The following NXPE2 variants were observed in gnomAD, a reference collection of about 807,000 sequenced individuals.
NXPE2 encodes neurexophilin and PC-esterase domain family member 2.
A neutral mutation model predicts 34.4 loss-of-function variants in NXPE2; 34 were observed. The observed-to-expected ratio is 0.99, with a 90% CI of 0.75 to 1.31. The LOEUF is 1.31. Ranked by LOEUF, NXPE2 falls within the 40% of genes most tolerant of loss-of-function variation. The pLI, the probability that NXPE2 is intolerant of heterozygous loss-of-function variation, is 0.00. For missense variants in NXPE2, 649 were observed against 672.5 expected, an observed-to-expected ratio of 0.97 and a Z score of 0.39; for synonymous variants, 235 against 231.3, an observed-to-expected ratio of 1.02 and a Z score of -0.15.
At chr11:114,614,562 T>C in the NXPE2 span, among the ~76,000 whole-genome samples, 8 of 151,046 alleles carry the variant, frequency 5.3e-5, no homozygotes, top group Non-Finnish European at 8.9e-5. Context: ...AATGTTACCT[T>C]GTGGGTAACT....
the NXPE2 span, among the ~76,000 whole-genome samples, chr11:114,516,884 C>T: frequency 6.6e-6 from 1 of 152,150 alleles, no homozygotes; most frequent in Admixed American, 6.5e-5. Context: ...GGGACGCTTT[C>T]CCCAAGCCCC....
At chr11:114,660,993 A>T in the NXPE2 span, among the ~76,000 whole-genome samples, 1 of 152,190 alleles carries the variant, frequency 6.6e-6, no homozygotes, top group East Asian at 1.9e-4. Context: ...ATTAAAATTA[A>T]TAACACAGCA....
the NXPE2 span, among the ~76,000 whole-genome samples, chr11:114,481,212 T>C: frequency 6.6e-6 from 1 of 152,180 alleles, no homozygotes; most frequent in Non-Finnish European, 1.5e-5. Flanking sequence ...ATTTGAATAA[T>C]ACTTAGTGTT....
At chr11:114,692,320 T>G (rs942544961) in intron 2 of NXPE2, among the ~76,000 whole-genome samples, 5 of 152,218 alleles carry the variant, frequency 3.3e-5, no homozygotes, top group African/African-American at 1.2e-4. Flanking sequence ...AGCATTCTGT[T>G]GCAGGGTAGC....
the NXPE2 span, among the ~76,000 whole-genome samples, chr11:114,479,898 G>T: frequency 6.6e-6 from 1 of 152,194 alleles, no homozygotes; most frequent in Non-Finnish European, 1.5e-5. Flanking sequence ...TGACGAGGGG[G>T]TCAGGAAGCT....
chr11:114,804,145 T>A, the NXPE2 span, among the ~76,000 whole-genome samples: 3 of 152,328 alleles, frequency 2.0e-5, no homozygotes, highest in South Asian at 6.2e-4. Context: ...TCAGTCAGGT[T>A]GTTGTTTAAA....
intron 3 of NXPE2, among the ~76,000 whole-genome samples, chr11:114,703,320 C>A (rs748174972): frequency 2.6e-5 from 4 of 152,050 alleles, no homozygotes; most frequent in Non-Finnish European, 5.9e-5. Flanking sequence ...GTGGGATAAA[C>A]CAAAAGGGCA....
the NXPE2 span, among the ~76,000 whole-genome samples, chr11:114,654,083 T>C: frequency 4.6e-5 from 7 of 152,100 alleles, no homozygotes; most frequent in Non-Finnish European, 1.0e-4. Context: ...TGAAGGTATG[T>C]ACAAAGAAGC....
the NXPE2 span, among the ~76,000 whole-genome samples, chr11:114,794,862 C>T: frequency 1.3e-4 from 18 of 142,944 alleles, no homozygotes; most frequent in Non-Finnish European, 1.4e-4. Flanking sequence ...CCCCCCCCAA[C>T]CCCATCCTGA....
At chr11:114,523,903 T>C in the NXPE2 span, among the ~76,000 whole-genome samples, 2 of 152,220 alleles carry the variant, frequency 1.3e-5, no homozygotes, top group African/African-American at 4.8e-5. Flanking sequence ...GGAAACCAGT[T>C]TGAATGCTGT....
chr11:114,689,829 C>A (rs1045010347), intron 2 of NXPE2, among the ~76,000 whole-genome samples: 1 of 152,046 alleles, frequency 6.6e-6, no homozygotes, highest in Non-Finnish European at 1.5e-5. Context: ...TAAATTGAAC[C>A]TTTATCATTA....
At chr11:114,728,016 A>G in the NXPE2 span, among the ~76,000 whole-genome samples, 1 of 152,052 alleles carries the variant, frequency 6.6e-6, no homozygotes, top group Non-Finnish European at 1.5e-5. Context: ...ACTGTACGGG[A>G]GAATCTGTTT....
chr11:114,501,461 C>T, the NXPE2 span, among the ~76,000 whole-genome samples: 1 of 152,170 alleles, frequency 6.6e-6, no homozygotes, highest in Non-Finnish European at 1.5e-5. Context: ...GAAATCACCA[C>T]AAATCTCAGG....
the NXPE2 span, among the ~76,000 whole-genome samples, chr11:114,724,518 A>G: frequency 6.6e-6 from 1 of 152,060 alleles, no homozygotes. Flanking sequence ...TATTTTTCCC[A>G]CCACTAGACC....
At chr11:114,578,283 T>C in the NXPE2 span, among the ~76,000 whole-genome samples, 1 of 152,186 alleles carries the variant, frequency 6.6e-6, no homozygotes, top group Non-Finnish European at 1.5e-5. Flanking sequence ...AGTTTTCTTT[T>C]CCAAATCACA....
At chr11:114,551,592 A>G in the NXPE2 span, among the ~76,000 whole-genome samples, 1 of 152,236 alleles carries the variant, frequency 6.6e-6, no homozygotes, top group African/African-American at 2.4e-5. Context: ...ATGGAACCAC[A>G]GGAATATGCT....
At chr11:114,741,797 A>G in the NXPE2 span, among the ~76,000 whole-genome samples, 32 of 152,134 alleles carry the variant, frequency 2.1e-4, no homozygotes, top group African/African-American at 7.2e-4. Flanking sequence ...TTGTTAGGCA[A>G]TTGATCATAA....
the NXPE2 span, among the ~76,000 whole-genome samples, chr11:114,479,966 CA>C: frequency 6.6e-6 from 1 of 152,054 alleles, no homozygotes; most frequent in Non-Finnish European, 1.5e-5. Context: ...AGAGAAGGAG[CA>C]AGAGAGACAT....
At chr11:114,546,238 C>T in the NXPE2 span, among the ~76,000 whole-genome samples, 2 of 152,040 alleles carry the variant, frequency 1.3e-5, no homozygotes, top group Admixed American at 1.3e-4. Flanking sequence ...TATGTGTATG[C>T]TGGGAGATGA....
Sources: allele counts gnomAD v4.1 joint callset (sites outside exome capture counted in the v4.1 genomes callset), GRCh38; gene constraint gnomAD v4.1.1; transcripts MANE v1.5; gene names NCBI Gene and HGNC (gene_info 2026-07-23, HGNC 2026-07-21).